The following RUFY3 variants were observed in gnomAD, a reference collection of about 807,000 sequenced individuals.
RUFY3 encodes protein RUFY3.
RUFY3 carries 34 observed loss-of-function variants against 84.0 expected under a neutral mutation model. That is an observed-to-expected ratio of 0.40 (90% confidence interval 0.31 to 0.54). The LOEUF is 0.54. Ranked by LOEUF, RUFY3 falls within the 20% of genes least tolerant of loss-of-function variation. The pLI is 0.39. For missense variants in RUFY3, 507 were observed against 736.8 expected (o/e 0.69, Z 3.61); for synonymous variants, 242 against 252.9 (o/e 0.96, Z 0.41).
intron 15 of RUFY3, among the ~76,000 whole-genome samples, chr4:70,801,057 A>G (rs1732163817): frequency 2.6e-5 from 4 of 151,862 alleles, no homozygotes; most frequent in Admixed American, 2.0e-4. Context: ...TTTTATAGTT[A>G]TTTTAGCAGG....
chr4:70,718,808 C>G (rs1741943118), upstream of RUFY3, among the ~76,000 whole-genome samples: 1 of 152,068 alleles, frequency 6.6e-6, no homozygotes, highest in South Asian at 2.1e-4. Context: ...ACCCCCGCCT[C>G]CCAGGTTCAA....
intron 14 of RUFY3, 143 bp from the exon 15 acceptor site, chr4:70,799,998 T>C (rs1246262281): frequency 1.5e-6 from 1 of 646,034 alleles, no homozygotes; most frequent in Admixed American, 3.6e-5. Context: ...TGAGGAAACA[T>C]AGCTTGAAAG....
At chr4:70,718,536 G>C (rs1409677726), upstream of RUFY3, among the ~76,000 whole-genome samples, 1 of 152,084 alleles carries the variant, frequency 6.6e-6, no homozygotes, top group African/African-American at 2.4e-5. Flanking sequence ...ACAAATAGGT[G>C]CCATTACTCA....
chr4:70,792,970 C>T (rs774793071), intron 12 of RUFY3: 356 of 985,174 alleles, frequency 3.6e-4, no homozygotes, highest in Non-Finnish European at 4.1e-4. Context: ...GATCAAATAC[C>T]GAAATTGAAC....
intron 1 of RUFY3, among the ~76,000 whole-genome samples, chr4:70,715,260 A>G (rs56945005): frequency 2.0e-4 from 30 of 152,294 alleles, no homozygotes; most frequent in African/African-American, 7.0e-4. Context: ...CTTTCCACCA[A>G]TGTCATCATG....
intron 1 of RUFY3, among the ~76,000 whole-genome samples, chr4:70,711,150 G>A (rs1490093054): frequency 6.6e-6 from 1 of 151,016 alleles, no homozygotes; most frequent in African/African-American, 2.4e-5. Flanking sequence ...AAAGAGATGA[G>A]GTCTCACTGT....
Position 70,799,753 on chromosome 4 carries a change from TTA to T in RUFY3, c.1558-385_1558-384del, listed in dbSNP as rs1731996828. ...TCAACTTGATTGAACGTCCAGAGGA[TTA>T]TAGTCTGCTGTATATGGCCATCCTT... On this transcript the variant is annotated intron_variant, in intron 14 of 17. Transcript: ENST00000381006. 8 of 181,412 alleles carry T rather than the reference TTA, an allele frequency of 4.4e-5. No individual in the cohort carries two copies. The South Asian group carries it at 1.0e-3, about 24-fold the overall frequency. The allele number at this position is 181,412 out of a possible 1,614,324, so 11.2% of individuals were successfully genotyped here.
intron 14 of RUFY3, among the ~76,000 whole-genome samples, chr4:70,796,154 A>C (rs1731474517): frequency 6.6e-6 from 1 of 152,092 alleles, no homozygotes; most frequent in Admixed American, 6.6e-5. Flanking sequence ...AGCCAAGATC[A>C]CACCACTGCA....
intron 12 of RUFY3, chr4:70,791,410 A>T: frequency 3.5e-6 from 5 of 1,448,018 alleles, no homozygotes; most frequent in Non-Finnish European, 4.5e-6. Flanking sequence ...GTCACCAAAA[A>T]GTTGACTTTG....
chr4:70,769,326 A>G (rs1189387763), intron 5 of RUFY3, among the ~76,000 whole-genome samples: 1 of 152,008 alleles, frequency 6.6e-6, no homozygotes, highest in Non-Finnish European at 1.5e-5. Flanking sequence ...TCAAAATAAA[A>G]CTCTAAAAAA....
At chr4:70,771,601 A>G (rs1212984529) in intron 5 of RUFY3, among the ~76,000 whole-genome samples, 1 of 152,198 alleles carries the variant, frequency 6.6e-6, no homozygotes, top group Non-Finnish European at 1.5e-5. Context: ...GAGTGAACTC[A>G]GCTCAGTGCA....
intron 11 of RUFY3, 136 bp from the exon 12 acceptor site, chr4:70,789,359 T>C (rs1730439358): frequency 2.2e-6 from 2 of 906,360 alleles, no homozygotes; most frequent in South Asian, 3.6e-5. Flanking sequence ...TGCTTTTTTT[T>C]CCATTTCAGG....
intron 1 of RUFY3, among the ~76,000 whole-genome samples, 196 bp downstream of exon 1, chr4:70,722,947 T>G (rs72861348): frequency 0.21 from 32,667 of 152,180 alleles, 7,830 homozygotes; most frequent in African/African-American, 0.59. Flanking sequence ...CTTGCCCCTT[T>G]AGGTATCCTT....
upstream of RUFY3, among the ~76,000 whole-genome samples, chr4:70,719,591 T>A (rs1320862078): frequency 2.0e-5 from 3 of 152,346 alleles, no homozygotes; most frequent in South Asian, 6.2e-4. Flanking sequence ...TAGCTAGGGC[T>A]GTTTGGAGTT....
chr4:70,799,200 C>T (rs912877103), intron 14 of RUFY3, among the ~76,000 whole-genome samples: 3 of 151,576 alleles, frequency 2.0e-5, no homozygotes, highest in African/African-American at 7.3e-5. Context: ...AACTTTACAT[C>T]TGTCCTGCCA....
chr4:70,717,873 A>ATTTTTTT (rs1165078654), upstream of RUFY3, among the ~76,000 whole-genome samples: 1 of 82,370 alleles, frequency 1.2e-5, no homozygotes, highest in Admixed American at 1.3e-4. Context: ...TTGACATGGT[A>ATTTTTTT]TTTTTTTTTT....
intron 10 of RUFY3, among the ~76,000 whole-genome samples, chr4:70,786,715 C>G (rs73824898): frequency 0.027 from 4,162 of 152,042 alleles, 81 homozygotes; most frequent in African/African-American, 0.049. Context: ...ATAAGGGATA[C>G]TATTCCTGTA....
chr4:70,804,761 CAAAAAAAA>C (rs1186156048), intron 17 of RUFY3, among the ~76,000 whole-genome samples: 5 of 76,848 alleles, frequency 6.5e-5, no homozygotes, highest in African/African-American at 8.9e-5. Context: ...ACTAAAAATA[CAAAAAAAA>C]AAAAAAAAAA....
intron 10 of RUFY3, among the ~76,000 whole-genome samples, chr4:70,788,284 C>CAA (rs11358761): frequency 0.046 from 5,515 of 120,532 alleles, 231 homozygotes; most frequent in East Asian, 0.22. Flanking sequence ...GACTCTGTCT[C>CAA]AAAAAAAAAA....
Sources: gnomAD v4.1 joint callset for allele counts (sites outside exome capture counted in the v4.1 genomes callset) on GRCh38, gnomAD v4.1.1 for gene constraint, MANE v1.5 for transcripts, NCBI Gene and HGNC (gene_info 2026-07-23, HGNC 2026-07-21) for gene names.